The following QSER1 variants were observed in gnomAD, a reference collection of about 807,000 sequenced individuals.
QSER1 encodes the protein glutamine and serine-rich protein 1.
Under a neutral mutation model 158.5 loss-of-function variants are expected in QSER1, and 49 were observed. That is an observed-to-expected ratio of 0.31 (90% CI 0.25 to 0.39). The LOEUF (loss-of-function observed/expected upper bound fraction) is 0.39. Among genes scored for constraint, QSER1 ranks in the 10% least tolerant of loss-of-function variants. The pLI, the probability that QSER1 is intolerant of heterozygous loss-of-function variation, is 1.00. For missense variants in QSER1, 1,754 were observed against 2,010.3 expected (o/e 0.87, Z 2.44); for synonymous variants, 650 against 715.5 (o/e 0.91, Z 1.46).
Position 32,935,441 on chromosome 11 carries a change from G to T in QSER1, c.4177+6G>T. ...TGATAAAAAGAAGAAAACAGGTAAA[G>T]TTTTACAATTTAGATTCATAATTAT... On this transcript the variant is annotated splice_donor_region_variant and intron_variant, in intron 4 of 12. Transcript: ENST00000650167. 2.0e-6 allele frequency: 3 copies of T among 1,473,182 alleles called. No individual in the cohort carries two copies. Among genetic ancestry groups the T allele is most frequent in the Non-Finnish European group, 2.7e-6 (3 of 1,114,414 alleles). 91.3% of individuals were successfully genotyped at this position (1,473,182 alleles called of 1,614,324 possible).
intron 5 of QSER1, 36 bp from the exon 6 acceptor site, chr11:32,955,260 G>T (rs1169730884): frequency 8.9e-7 from 1 of 1,118,962 alleles, no homozygotes; most frequent in African/African-American, 1.6e-5. Flanking sequence ...ATATGTTGCT[G>T]TGTTTTGTAA....
At chr11:32,964,986 A>C (rs987714553) in intron 8 of QSER1, among the ~76,000 whole-genome samples, 1 of 151,786 alleles carries the variant, frequency 6.6e-6, no homozygotes, top group African/African-American at 2.4e-5. Flanking sequence ...TCAGCCTCCC[A>C]AGTAGCTGGG....
chr11:32,937,587 C>G (rs1852171799), intron 4 of QSER1, among the ~76,000 whole-genome samples: 1 of 152,170 alleles, frequency 6.6e-6, no homozygotes. Flanking sequence ...TGCGCCTGGC[C>G]TAGAATTTTT....
chr11:32,961,042 C>T (rs1436855089), intron 8 of QSER1, among the ~76,000 whole-genome samples: 1 of 152,040 alleles, frequency 6.6e-6, no homozygotes, highest in Non-Finnish European at 1.5e-5. Flanking sequence ...TTAAAATGAA[C>T]CCATTACTTA....
rs184335290 is a variant in QSER1 at position 32,930,344 on chromosome 11, A to T, written c.485-1399A>T. On this transcript the variant is annotated intron_variant, in intron 3 of 12. Transcript: ENST00000650167. ...ATTCTAGTTCAGTGTATTATTTTAA[A>T]CATTTCTAAGTGTTATTTATTCTTT... 7.9e-5 allele frequency among the ~76,000 whole-genome samples: 12 copies of T among 152,296 alleles called. No individual in the cohort carries two copies. The East Asian group carries it at 2.3e-3, about 29-fold the overall frequency.
rs1853003780 is a variant in QSER1 at position 32,977,825 on chromosome 11, T to TAATC, written c.*1353_*1356dup. 6.6e-6 allele frequency: 1 copy of TAATC among 152,668 alleles called. No homozygotes were observed. The allele number at this position is 152,668 out of a possible 1,614,324, so 9.5% of individuals were successfully genotyped here. On this transcript the variant is annotated 3_prime_UTR_variant, in exon 13 of 13. Transcript: ENST00000650167. ...TCCTTTTTTAGGATTCTAAAGAAGTTAATCATCATCCTTTTGTTTATTTTA... is the reference window on the plus strand; with the variant it reads ...TCCTTTTTTAGGATTCTAAAGAAGTTAATCAATCATCATCCTTTTGTTTATTTTA...
chr11:32,927,033 C>T (rs1266127847), intron 1 of QSER1, 124 bp from the exon 2 acceptor site: 1 of 152,634 alleles, frequency 6.6e-6, no homozygotes, highest in South Asian at 2.1e-4. Flanking sequence ...GTTTGATCCA[C>T]GAATCTATAG....
chr11:32,933,050 A>G lies in QSER1; in HGVS notation c.1792A>G (p.Thr598Ala). Residue 598 changes from threonine (T) to alanine (A), a missense_variant, in exon 4 of 13, where the codon ACA (threonine) becomes GCA (alanine). Physicochemically the swap from Thr to Ala is moderately conservative, Grantham distance 58. Coordinates refer to ENST00000650167, the MANE Select transcript of QSER1 (RefSeq NM_001076786.3). The stretch of plus-strand genomic sequence containing the variant: ...TGCTTCAGGGGAGTCCCTAACATTA[A>G]CAGCCCCTTCTCTTTCTTATTCTTC... ...SYASGESLTL[T>A]APSLSYSSAS... 1.2e-6 allele frequency: 2 copies of G among 1,613,238 alleles called. No individual in the cohort carries two copies. Among genetic ancestry groups the G allele is most frequent in the South Asian group, 1.1e-5 (1 of 91,076 alleles).
At chr11:32,975,114 A>T in intron 11 of QSER1, 134 bp from the exon 12 acceptor site, 1 of 485,576 alleles carries the variant, frequency 2.1e-6, no homozygotes, top group Non-Finnish European at 3.6e-6. Flanking sequence ...TCTCCATATT[A>T]ACCCAACTGA....
At chr11:32,965,304 G>C (rs10082575) in intron 8 of QSER1, among the ~76,000 whole-genome samples, 1 of 151,540 alleles carries the variant, frequency 6.6e-6, no homozygotes, top group Non-Finnish European at 1.5e-5. Context: ...TAATTGAAAC[G>C]ATGTCCCACT....
intron 1 of QSER1, among the ~76,000 whole-genome samples, chr11:32,921,934 G>A (rs73474591): frequency 0.016 from 2,426 of 152,226 alleles, 67 homozygotes; most frequent in African/African-American, 0.054. Flanking sequence ...CTATAGTCAA[G>A]AAATAGAAAC....
chr11:32,915,921 GT>G (rs763908776), intron 1 of QSER1, among the ~76,000 whole-genome samples: 123 of 142,150 alleles, frequency 8.7e-4, no homozygotes, highest in African/African-American at 5.6e-4. Flanking sequence ...ATATAATTTT[GT>G]TTTTTTTTTT....
chr11:32,913,723 G>A (rs1227120064), intron 1 of QSER1, among the ~76,000 whole-genome samples: 2 of 152,152 alleles, frequency 1.3e-5, no homozygotes, highest in African/African-American at 2.4e-5. Context: ...GCTGCTGACC[G>A]TATGTGCTTT....
intron 1 of QSER1, among the ~76,000 whole-genome samples, chr11:32,925,494 T>TTTTTTTA (rs1554926205): frequency 7.0e-6 from 1 of 143,568 alleles, no homozygotes; most frequent in Non-Finnish European, 1.5e-5. Context: ...TACATCGCTT[T>TTTTTTTA]TTTATTTATT....
intron 8 of QSER1, among the ~76,000 whole-genome samples, chr11:32,963,361 T>C (rs1361319093): frequency 6.6e-6 from 1 of 152,082 alleles, no homozygotes; most frequent in African/African-American, 2.4e-5. Flanking sequence ...AGGCTCTGTT[T>C]GTTTGTTTGT....
rs1266575843 is a variant in QSER1 at position 32,932,274 on chromosome 11, A to C, written c.1016A>C (p.His339Pro). Residue 339 changes from histidine (H) to proline (P), a missense_variant, in exon 4 of 13, where the codon CAC becomes CCC. Physicochemically the swap from His to Pro is moderately conservative, Grantham distance 77. Transcript: ENST00000650167. The stretch of plus-strand genomic sequence containing the variant: ...CAGGCACAACTGACTGGTTCACAGC[A>C]CTCCTTACATAGTTATCTATCAAAT... ...SIQAQLTGSQ[H>P]SLHSYLSNSS... The C allele has an allele frequency of 6.2e-7, 1 of 1,613,868 alleles. No homozygotes were observed. The highest frequency in any genetic ancestry group is 8.5e-7 in the Non-Finnish European group (1 of 1,180,032).
intron 9 of QSER1, among the ~76,000 whole-genome samples, chr11:32,966,766 A>G (rs760203817): frequency 3.9e-5 from 6 of 152,210 alleles, no homozygotes; most frequent in Non-Finnish European, 5.9e-5. Context: ...TTATTTTCCA[A>G]TAATTGGAAA....
At chr11:32,924,767 G>C (rs1851946167) in intron 1 of QSER1, among the ~76,000 whole-genome samples, 1 of 151,864 alleles carries the variant, frequency 6.6e-6, no homozygotes, top group African/African-American at 2.4e-5. Flanking sequence ...TTTAGATTCA[G>C]GGGGTACATG....
At chr11:32,941,216 TTA>T (rs1355542245) in intron 4 of QSER1, among the ~76,000 whole-genome samples, 4 of 10,280 alleles carry the variant, frequency 3.9e-4, no homozygotes, top group Admixed American at 2.1e-3. Flanking sequence ...TTTGTTTTTA[TTA>T]TTATTATTAT....
Sources: gnomAD v4.1 joint callset for allele counts (sites outside exome capture counted in the v4.1 genomes callset) on GRCh38, gnomAD v4.1.1 for gene constraint, MANE v1.5 for transcripts, NCBI Gene and HGNC (gene_info 2026-07-23, HGNC 2026-07-21) for gene names.